USH2A: variants seen among roughly 807,000 people sequenced by gnomAD.
USH2A encodes Usher syndrome 2A (autosomal recessive, mild).
Under a neutral mutation model 538.9 loss-of-function variants are expected in USH2A, and 443 were observed. That is an observed-to-expected ratio of 0.82 (90% CI 0.76 to 0.89). The LOEUF is 0.89. Among genes scored for constraint, USH2A ranks in the 40% least tolerant of loss-of-function variants. The pLI is 0.00. For missense variants in USH2A, 6,633 were observed against 6,324.8 expected (o/e 1.05, Z -1.65); for synonymous variants, 2,413 against 2,273.5 (o/e 1.06, Z -1.75).
chr1:215,980,967 G>A (rs547410871), intron 35 of USH2A, among the ~76,000 whole-genome samples: 1 of 152,184 alleles, frequency 6.6e-6, no homozygotes, highest in East Asian at 1.9e-4. Flanking sequence ...CAAATGTCCT[G>A]GAGAGGAATT....
chr1:216,233,359 C>A (rs952886607), intron 13 of USH2A, among the ~76,000 whole-genome samples: 1 of 152,124 alleles, frequency 6.6e-6, no homozygotes, highest in Non-Finnish European at 1.5e-5. Context: ...CTTCCTCAGG[C>A]AACTTTCCCT....
intron 21 of USH2A, among the ~76,000 whole-genome samples, chr1:216,105,121 C>T (rs1157679150): frequency 6.6e-6 from 1 of 152,104 alleles, no homozygotes; most frequent in African/African-American, 2.4e-5. Flanking sequence ...TACCATCTCA[C>T]ATCAGTTAGA....
intron 9 of USH2A, among the ~76,000 whole-genome samples, chr1:216,310,685 A>T (rs1388426996): frequency 6.6e-6 from 1 of 152,110 alleles, no homozygotes; most frequent in South Asian, 2.1e-4. Context: ...TTTCTGATAG[A>T]TTTTTTAAAA....
At chr1:216,290,173 A>T (rs116799950) in intron 10 of USH2A, among the ~76,000 whole-genome samples, 2,283 of 152,258 alleles carry the variant, frequency 0.015, 53 homozygotes, top group African/African-American at 0.052. Flanking sequence ...ACTCAAGACT[A>T]TCAATTCCCC....
At chr1:216,082,691 T>G (rs555068909) in intron 26 of USH2A, among the ~76,000 whole-genome samples, 1 of 152,238 alleles carries the variant, frequency 6.6e-6, no homozygotes, top group South Asian at 2.1e-4. Flanking sequence ...AGTTGCCCAT[T>G]GTATTTAGAG....
chr1:215,799,948 G>C (rs1319215544), intron 49 of USH2A, among the ~76,000 whole-genome samples: 1 of 152,040 alleles, frequency 6.6e-6, no homozygotes, highest in Admixed American at 6.6e-5. Flanking sequence ...AGCCAGGATT[G>C]TTTCACTGCA....
At chr1:215,797,505 T>TG (rs1662179935) in intron 50 of USH2A, among the ~76,000 whole-genome samples, 1 of 152,110 alleles carries the variant, frequency 6.6e-6, no homozygotes, top group South Asian at 2.1e-4. Flanking sequence ...ACTCTCCTGC[T>TG]GGGGGGCTAA....
intron 69 of USH2A, among the ~76,000 whole-genome samples, chr1:215,638,220 C>T (rs542364290): frequency 1.4e-4 from 22 of 152,278 alleles, no homozygotes; most frequent in Admixed American, 2.6e-4. Context: ...CCTTTATGCA[C>T]GCGAAGTCAT....
At chr1:215,836,460 TATATTATATATATATATATA>T (rs1558119671) in intron 47 of USH2A, among the ~76,000 whole-genome samples, 2 of 35,476 alleles carry the variant, frequency 5.6e-5, no homozygotes, top group South Asian at 9.6e-4. Flanking sequence ...TGTGTGTATA[TATATTATATATATATATATA>T]ATATATATTA....
chr1:215,873,967 T>G (rs919689903), intron 43 of USH2A, among the ~76,000 whole-genome samples: 11 of 152,242 alleles, frequency 7.2e-5, no homozygotes, highest in African/African-American at 2.4e-4. Flanking sequence ...TTGTTTATTA[T>G]AACTTGTTCT....
rs876658114 is a variant in USH2A, at chr1:216,246,915, T to C, written c.2479A>G (p.Asn827Asp). 10 of 1,614,178 alleles carry C rather than the reference T, an allele frequency of 6.2e-6. No individual in the cohort carries two copies. Among genetic ancestry groups the C allele is most frequent in the Non-Finnish European group, 8.5e-6 (10 of 1,180,008 alleles). The change falls in exon 13 of 72, where the codon AAT becomes GAT. Residue 827 changes from asparagine to aspartate, a missense_variant. Physicochemically the swap from Asn to Asp is conservative, Grantham distance 23 (BLOSUM62 1). Coordinates refer to ENST00000307340, the MANE Select transcript of USH2A (RefSeq NM_206933.4). ...TAGAAGTTTCCCTCCAAACATTTAT[T>C]GCACTGTCTCCCTTCAACATTGGGC... ...CKPNVEGRQC[N>D]KCLEGNFYLR...
At chr1:215,636,319 T>A (rs1443942492) in intron 69 of USH2A, among the ~76,000 whole-genome samples, 1 of 152,132 alleles carries the variant, frequency 6.6e-6, no homozygotes, top group East Asian at 1.9e-4. Flanking sequence ...AAAACTAAAC[T>A]TTGAACTCCG....
rs1156560727 is a variant in USH2A, at chr1:215,775,075, A to T, written c.10939+4768T>A. On this transcript the variant is annotated intron_variant, in intron 55 of 71. Transcript: ENST00000307340. ...GCAGCCTGGAGCATTGCAAACAACCATAGAAGAAACTCCCAAAGCTTTTTG... is the reference window on the plus strand; with the variant it reads ...GCAGCCTGGAGCATTGCAAACAACCTTAGAAGAAACTCCCAAAGCTTTTTG... Among the ~76,000 whole-genome samples the T allele has an allele frequency of 5.3e-5, 8 of 152,114 alleles. No individual in the cohort carries two copies. The South Asian group carries it at 1.7e-3, about 32-fold the overall frequency.
chr1:216,418,700 G>A, intron 2 of USH2A, 21 bp from the exon 3 acceptor site: 5 of 1,612,524 alleles, frequency 3.1e-6, no homozygotes, highest in Non-Finnish European at 4.2e-6. Context: ...AACCGGAAAA[G>A]AGAGAAAAGG....
chr1:216,197,867 A>G (rs757607518), intron 18 of USH2A, among the ~76,000 whole-genome samples: 1 of 152,170 alleles, frequency 6.6e-6, no homozygotes, highest in Non-Finnish European at 1.5e-5. Context: ...GTCATTATGT[A>G]CAATCTAGTA....
intron 21 of USH2A, among the ~76,000 whole-genome samples, chr1:216,101,106 T>C (rs1298250259): frequency 1.3e-5 from 2 of 152,182 alleles, no homozygotes; most frequent in Non-Finnish European, 2.9e-5. Context: ...TTGTGCAAAA[T>C]CTATGACAAA....
intron 71 of USH2A, among the ~76,000 whole-genome samples, chr1:215,626,298 A>C (rs1656021556): frequency 6.7e-6 from 1 of 149,618 alleles, no homozygotes; most frequent in Admixed American, 6.7e-5. Context: ...GTATATATAC[A>C]CTATATATAT....
chr1:215,879,176 T>C, intron 41 of USH2A, 78 bp from the exon 42 acceptor site: 1 of 1,329,426 alleles, frequency 7.5e-7, no homozygotes, highest in Non-Finnish European at 1.1e-6. Flanking sequence ...CCTAGAATTT[T>C]GCTCTTGTTT....
chr1:216,398,788 CCAAA>C (rs1558071276), intron 3 of USH2A, among the ~76,000 whole-genome samples: 3 of 152,306 alleles, frequency 2.0e-5, no homozygotes, highest in Admixed American at 2.0e-4. Context: ...TTCCAATAAA[CCAAA>C]CAGAGAGCTG....
Sources: gnomAD v4.1 joint callset for allele counts (sites outside exome capture counted in the v4.1 genomes callset) on GRCh38, gnomAD v4.1.1 for gene constraint, MANE v1.5 for transcripts, NCBI Gene and HGNC (gene_info 2026-07-23, HGNC 2026-07-21) for gene names.